PDPR: variants seen among roughly 807,000 people sequenced by gnomAD.
PDPR encodes the protein pyruvate dehydrogenase phosphatase regulatory subunit, mitochondrial.
A neutral mutation model predicts 102.2 loss-of-function variants in PDPR; 50 were observed. The observed-to-expected ratio is 0.49, with a 90% CI of 0.39 to 0.62. PDPR has a LOEUF of 0.62. PDPR is among the 20% of genes least tolerant of loss of function. PDPR has a pLI of 0.00. For missense variants in PDPR, 625 were observed against 1,098.2 expected (o/e 0.57, Z 6.09); for synonymous variants, 259 against 406.0 (o/e 0.64, Z 4.35).
intron 11 of PDPR, among the ~76,000 whole-genome samples, chr16:70,140,193 T>C (rs936976189): frequency 5.9e-5 from 9 of 152,144 alleles, no homozygotes; most frequent in Admixed American, 1.3e-4. Context: ...ACCAAAAAAT[T>C]AGCCATGCCT....
intron 10 of PDPR, among the ~76,000 whole-genome samples, chr16:70,137,037 C>T (rs1215689950): frequency 2.0e-5 from 3 of 152,152 alleles, no homozygotes; most frequent in East Asian, 1.9e-4. Context: ...CCACTGTGCC[C>T]GGCCACAAGT....
At chr16:70,163,266 G>GTTTT (rs67708146), downstream of PDPR, among the ~76,000 whole-genome samples, 1 of 149,492 alleles carries the variant, frequency 6.7e-6, no homozygotes, top group Non-Finnish European at 1.5e-5. Flanking sequence ...TTTTTGAGTA[G>GTTTT]TTTTTTTTTT....
In PDPR at chr16:70,157,112, C is replaced by A. The variant is rs1278875878; in HGVS notation, c.*233C>A. 9.8e-6 allele frequency: 7 copies of A among 714,202 alleles called. No individual in the cohort carries two copies. The highest frequency in any genetic ancestry group is 1.5e-5 in the Non-Finnish European group (6 of 402,754). The allele number at this position is 714,202 out of a possible 1,614,324, so 44.2% of individuals were successfully genotyped here. A position where few individuals can be genotyped will look rare whatever the true frequency, so the allele number is the denominator to read the frequency against. On this transcript the variant is annotated 3_prime_UTR_variant, in exon 19 of 19. Coordinates refer to ENST00000288050, the MANE Select transcript of PDPR (RefSeq NM_017990.5). ...ACTCTGGGCTCTTCTTCCCTTCCCA[C>A]CCCTCACTCAGCTTCTCGTGGTGGC... is the stretch of plus-strand genomic sequence containing the variant.
intron 9 of PDPR, among the ~76,000 whole-genome samples, chr16:70,135,033 G>A (rs1043664051): frequency 1.3e-5 from 2 of 152,300 alleles, no homozygotes; most frequent in East Asian, 1.9e-4. Flanking sequence ...AGACCAGCCT[G>A]GGCAACATGG....
At chr16:70,130,636 A>T in intron 7 of PDPR, 92 bp downstream of exon 7, 1 of 1,507,832 alleles carries the variant, frequency 6.6e-7, no homozygotes. Context: ...GTGATTGGTT[A>T]TACAGATATC....
chr16:70,158,918 G>A lies in PDPR; in HGVS notation c.*2039G>A, dbSNP rs1355220047. On this transcript the variant is annotated 3_prime_UTR_variant, in exon 19 of 19. Coordinates refer to ENST00000288050, the MANE Select transcript of PDPR (RefSeq NM_017990.5). ...TGTAAAGGAAAACGTATTTGTAATTGAATCCAGAAGAATTTAGTTACACAT... is the reference window on the plus strand; with the variant it reads ...TGTAAAGGAAAACGTATTTGTAATTAAATCCAGAAGAATTTAGTTACACAT... The A allele has an allele frequency of 6.6e-6, 1 of 152,372 alleles. No homozygotes were observed. Among genetic ancestry groups the A allele is most frequent in the Non-Finnish European group, 1.5e-5 (1 of 68,110 alleles). 9.4% of individuals were successfully genotyped at this position (152,372 alleles called of 1,614,324 possible).
chr16:70,133,009 C>T (rs1289315495), intron 9 of PDPR, among the ~76,000 whole-genome samples: 8 of 151,760 alleles, frequency 5.3e-5, no homozygotes, highest in Non-Finnish European at 7.4e-5. Context: ...GATGGGGTCT[C>T]GCTGTGTTGC....
At chr16:70,123,216 T>C (rs1172770217) in intron 3 of PDPR, among the ~76,000 whole-genome samples, 7 of 152,182 alleles carry the variant, frequency 4.6e-5, no homozygotes, top group African/African-American at 1.2e-4. Context: ...GTGGATACTT[T>C]TAAGAGCAAA....
At chr16:70,124,948 A>C (rs1344779951) in intron 3 of PDPR, among the ~76,000 whole-genome samples, 1 of 152,266 alleles carries the variant, frequency 6.6e-6, no homozygotes, top group African/African-American at 2.4e-5. Context: ...GTCCCTTGCA[A>C]AACTGGGTCT....
intron 11 of PDPR, among the ~76,000 whole-genome samples, chr16:70,140,398 G>C (rs569173922): frequency 6.6e-6 from 1 of 152,260 alleles, no homozygotes; most frequent in Non-Finnish European, 1.5e-5. Context: ...ACTATTATAA[G>C]CCTAAATTTC....
In PDPR at chr16:70,153,547, C is replaced by G. The variant is rs375171767; in HGVS notation, c.2209C>G (p.Arg737Gly). Residue 737 changes from arginine (R) to glycine (G), a missense_variant, in exon 18 of 19, where the codon CGA becomes GGA. Physicochemically the swap from Arg to Gly is moderately radical, Grantham distance 125. Coordinates refer to ENST00000288050, the MANE Select transcript of PDPR (RefSeq NM_017990.5). ...CCTCACCACGCCCCTGGAATGTGGA[C>G]GAGAGTCTCGGGTGAAATTAGAGAA... ...NNLTTPLECG[R>G]ESRVKLEKGM... The G allele has an allele frequency of 6.2e-7, 1 of 1,608,498 alleles. No homozygotes were observed. Among genetic ancestry groups the G allele is most frequent in the Non-Finnish European group, 8.5e-7 (1 of 1,177,886 alleles).
At chr16:70,137,535 G>A (rs1965274796) in intron 10 of PDPR, among the ~76,000 whole-genome samples, 1 of 152,262 alleles carries the variant, frequency 6.6e-6, no homozygotes, top group South Asian at 2.1e-4. Flanking sequence ...TCTTGAATGA[G>A]CACAGAGTTC....
rs1229904366 is a variant in PDPR at position 70,161,889 on chromosome 16, C to T, written c.*5010C>T. 1 of 152,368 alleles carries T rather than the reference C, an allele frequency of 6.6e-6. No individual in the cohort carries two copies. Among genetic ancestry groups the T allele is most frequent in the African/African-American group, 2.4e-5 (1 of 41,468 alleles). The allele number at this position is 152,368 out of a possible 1,614,324, so 9.4% of individuals were successfully genotyped here. ...AGACCATCTTCTGCCTTCTTATTTT[C>T]CTGTCTGTCAAAGACAGAAATTACA... On this transcript the variant is annotated 3_prime_UTR_variant, in exon 19 of 19. Coordinates refer to ENST00000288050, the MANE Select transcript of PDPR (RefSeq NM_017990.5).
At chr16:70,145,993 T>A in intron 15 of PDPR, 141 bp from the exon 16 acceptor site, 1 of 745,176 alleles carries the variant, frequency 1.3e-6, no homozygotes, top group Admixed American at 2.5e-5. Context: ...GCATCCATCC[T>A]TGGAGTGTCT....
intron 6 of PDPR, 69 bp from the exon 7 acceptor site, chr16:70,130,354 A>G (rs1045678644): frequency 1.9e-6 from 3 of 1,547,386 alleles, no homozygotes; most frequent in African/African-American, 1.4e-5. Context: ...CTGGGTGGAG[A>G]ACCTGCTGCA....
At chr16:70,155,710 A>G (rs1419266323) in intron 18 of PDPR, among the ~76,000 whole-genome samples, 1 of 151,912 alleles carries the variant, frequency 6.6e-6, no homozygotes, top group African/African-American at 2.4e-5. Context: ...TTAATAGTTT[A>G]TTCTAGTCTT....
At chr16:70,150,181 G>A (rs1296699527) in intron 17 of PDPR, among the ~76,000 whole-genome samples, 10 of 139,094 alleles carry the variant, frequency 7.2e-5, no homozygotes, top group Non-Finnish European at 1.2e-4. Context: ...TAGGCTCACC[G>A]CAACCTCTGC....
intron 10 of PDPR, among the ~76,000 whole-genome samples, chr16:70,138,663 T>C (rs911008991): frequency 1.3e-5 from 2 of 152,278 alleles, no homozygotes; most frequent in African/African-American, 4.8e-5. Flanking sequence ...GGCTTCTATG[T>C]TAAATACCTC....
intron 6 of PDPR, 55 bp downstream of exon 6, chr16:70,129,177 A>C: frequency 6.2e-7 from 1 of 1,613,508 alleles, no homozygotes; most frequent in Non-Finnish European, 8.5e-7. Context: ...ACATTACCTA[A>C]GGAAGTGTCT....
Sources: allele counts gnomAD v4.1 joint callset (sites outside exome capture counted in the v4.1 genomes callset), GRCh38; gene constraint gnomAD v4.1.1; transcripts MANE v1.5; gene names NCBI Gene and HGNC (gene_info 2026-07-23, HGNC 2026-07-21).